The following PEBP4 variants were observed in gnomAD, a reference collection of about 807,000 sequenced individuals.
PEBP4 encodes phosphatidylethanolamine-binding protein 4.
A neutral mutation model predicts 23.9 loss-of-function variants in PEBP4; 22 were observed. That is an observed-to-expected ratio of 0.92 (90% CI 0.66 to 1.31). The LOEUF (loss-of-function observed/expected upper bound fraction) is 1.31, where lower values mean the gene tolerates loss of function less well. Ranked by LOEUF, PEBP4 falls within the 40% of genes most tolerant of loss-of-function variation. PEBP4 has a pLI of 0.00. For synonymous variants in PEBP4, 112 were observed against 99.3 expected, an observed-to-expected ratio of 1.13 and a Z score of -0.76; for missense variants, 324 against 281.7, an observed-to-expected ratio of 1.15 and a Z score of -1.07.
At chr8:22,834,852 G>A (rs2128764632) in intron 3 of PEBP4, among the ~76,000 whole-genome samples, 2 of 152,320 alleles carry the variant, frequency 1.3e-5, no homozygotes, top group Admixed American at 1.3e-4. Context: ...GTGTTCTAAA[G>A]ATGATAAAGC....
At chr8:22,777,880 C>T (rs1034522282) in intron 4 of PEBP4, among the ~76,000 whole-genome samples, 9 of 152,130 alleles carry the variant, frequency 5.9e-5, no homozygotes, top group Admixed American at 1.3e-4. Context: ...GGCTTCCCCG[C>T]GCCCTCAATG....
At chr8:22,858,685 G>T (rs1807706135) in intron 3 of PEBP4, among the ~76,000 whole-genome samples, 1 of 152,218 alleles carries the variant, frequency 6.6e-6, no homozygotes, top group Non-Finnish European at 1.5e-5. Flanking sequence ...GGTGGTTCAT[G>T]CCTGTAATCC....
intron 3 of PEBP4, among the ~76,000 whole-genome samples, chr8:22,844,253 T>C (rs1386494117): frequency 6.6e-6 from 1 of 152,220 alleles, no homozygotes; most frequent in Non-Finnish European, 1.5e-5. Context: ...TATTTATTTA[T>C]TTTGAGACAG....
intron 3 of PEBP4, chr8:22,887,094 GTGTGTGTGTGTGTGTGTGTGTGTA>G (rs1487924627): frequency 4.3e-5 from 6 of 140,850 alleles, no homozygotes; most frequent in African/African-American, 8.2e-5. Flanking sequence ...CTCCTAGTGT[GTGTGTGTGTGTGTGTGTGTGTGTA>G]TGTGTGTGTG....
intron 4 of PEBP4, among the ~76,000 whole-genome samples, chr8:22,786,554 G>C (rs1806032916): frequency 6.6e-6 from 1 of 152,200 alleles, no homozygotes; most frequent in African/African-American, 2.4e-5. Flanking sequence ...AAAGTGCTGA[G>C]ATTACAGGCA....
At chr8:22,731,619 A>T (rs1215823480) in intron 4 of PEBP4, among the ~76,000 whole-genome samples, 2 of 100,536 alleles carry the variant, frequency 2.0e-5, no homozygotes, top group African/African-American at 3.6e-5. Context: ...TCATTGTTTT[A>T]TTTATTTATT....
intron 6 of PEBP4, 105 bp from the exon 7 acceptor site, chr8:22,713,641 G>A: frequency 4.0e-6 from 6 of 1,512,032 alleles, no homozygotes; most frequent in East Asian, 4.6e-5. Context: ...CGAGGCAGCA[G>A]GTGATGCGAT....
At chr8:22,738,727 TGTA>T (rs1804924509) in intron 4 of PEBP4, among the ~76,000 whole-genome samples, 3 of 152,134 alleles carry the variant, frequency 2.0e-5, no homozygotes, top group African/African-American at 2.4e-5. Context: ...CTCACATACT[TGTA>T]GTATGCTCAC....
In PEBP4 at chr8:22,807,491, G is replaced by A. The variant is rs531380592; in HGVS notation, c.357+10146C>T. ...AGGAAAGATTCACATTTTTGTAGAC[G>A]GTGAGATTATAGGAGGGGAAACTCT... On this transcript the variant is annotated intron_variant, in intron 4 of 6. Coordinates refer to ENST00000256404, the MANE Select transcript of PEBP4 (RefSeq NM_144962.3). Among the ~76,000 whole-genome samples, 9 of 152,152 alleles carry A rather than the reference G, an allele frequency of 5.9e-5. No homozygotes were observed. In the East Asian group the frequency reaches 9.6e-4, roughly 16 times the overall value.
At chr8:22,817,862 G>A in intron 3 of PEBP4, 127 bp from the exon 4 acceptor site, 1 of 771,116 alleles carries the variant, frequency 1.3e-6, no homozygotes, top group East Asian at 2.5e-5. Flanking sequence ...GTCCCATCCA[G>A]TTTATCCTTG....
At chr8:22,914,531 C>T (rs143777917) in intron 3 of PEBP4, among the ~76,000 whole-genome samples, 5 of 152,246 alleles carry the variant, frequency 3.3e-5, no homozygotes, top group Non-Finnish European at 5.9e-5. Flanking sequence ...TCCCCTCACA[C>T]GGGTAACCAG....
chr8:22,937,798 A>ATGTGTG (rs55794481), intron 1 of PEBP4, among the ~76,000 whole-genome samples: 5 of 150,528 alleles, frequency 3.3e-5, no homozygotes, highest in East Asian at 3.9e-4. Context: ...ATGTGTATGT[A>ATGTGTG]TGTGTGTGTG....
chr8:22,719,678 G>A (rs150902991), intron 6 of PEBP4, among the ~76,000 whole-genome samples: 40 of 152,326 alleles, frequency 2.6e-4, no homozygotes, highest in Admixed American at 1.1e-3. Context: ...AACTGTGGAC[G>A]CCCTTGGTAA....
chr8:22,770,238 C>T (rs1389359753), intron 4 of PEBP4, among the ~76,000 whole-genome samples: 1 of 152,206 alleles, frequency 6.6e-6, no homozygotes, highest in Non-Finnish European at 1.5e-5. Context: ...GCTTGGTGGG[C>T]AGACAGCAAG....
chr8:22,869,488 G>A (rs1257230095), intron 3 of PEBP4, among the ~76,000 whole-genome samples: 3 of 152,190 alleles, frequency 2.0e-5, no homozygotes, highest in African/African-American at 7.2e-5. Context: ...CAAAGTGAAA[G>A]GTGGTTACAG....
chr8:22,795,233 T>A (rs2128757650), intron 4 of PEBP4, among the ~76,000 whole-genome samples: 1 of 139,598 alleles, frequency 7.2e-6, no homozygotes, highest in Non-Finnish European at 1.5e-5. Flanking sequence ...TGGAGTGCAG[T>A]GGCGTGATCT....
intron 3 of PEBP4, among the ~76,000 whole-genome samples, chr8:22,826,753 T>TA (rs1449161953): frequency 3.3e-5 from 5 of 152,148 alleles, no homozygotes; most frequent in Non-Finnish European, 7.4e-5. Context: ...GAAGGGTGCT[T>TA]AAAAAACTAA....
intron 4 of PEBP4, among the ~76,000 whole-genome samples, chr8:22,790,856 C>A (rs1409093330): frequency 1.3e-5 from 2 of 152,146 alleles, no homozygotes; most frequent in Admixed American, 6.5e-5. Context: ...ATTATGCATC[C>A]AGGGTACTTT....
chr8:22,825,484 T>C (rs1806950002), intron 3 of PEBP4, among the ~76,000 whole-genome samples: 1 of 152,246 alleles, frequency 6.6e-6, no homozygotes, highest in Non-Finnish European at 1.5e-5. Context: ...TTTATACTTC[T>C]GTAGGGGTAT....
Sources: gnomAD v4.1 joint callset for allele counts (sites outside exome capture counted in the v4.1 genomes callset) on GRCh38, gnomAD v4.1.1 for gene constraint, MANE v1.5 for transcripts, NCBI Gene and HGNC (gene_info 2026-07-23, HGNC 2026-07-21) for gene names.